Variants in NCOA1 observed in about 807,000 individuals in gnomAD.
NCOA1 encodes Hin-2 protein.
Under a neutral mutation model 150.9 loss-of-function variants are expected in NCOA1, and 35 were observed. The ratio of observed to expected loss-of-function variants is 0.23; its 90% CI spans 0.18 to 0.31. The LOEUF is 0.31. NCOA1 is among the 10% of genes least tolerant of loss of function. The probability of loss-of-function intolerance (pLI) is 1.00; values close to 1 mark genes in which losing one functional copy is unlikely to be tolerated. For missense variants in NCOA1, 1,491 were observed against 1,749.3 expected (o/e 0.85, Z 2.63); for synonymous variants, 590 against 630.0 (o/e 0.94, Z 0.95).
intron 11 of NCOA1, 38 bp downstream of exon 11, chr2:24,697,836 A>T: frequency 6.4e-7 from 1 of 1,566,328 alleles, no homozygotes; most frequent in Non-Finnish European, 8.8e-7. Context: ...ATTAACCCTT[A>T]TCTTTACTGA....
chr2:24,571,784 T>G (rs1482880139), intron 2 of NCOA1, among the ~76,000 whole-genome samples: 10 of 152,308 alleles, frequency 6.6e-5, no homozygotes, highest in Non-Finnish European at 1.5e-5. Context: ...TACAAGGTAC[T>G]TAGTAAGGGG....
At chr2:24,582,220 C>T (rs1317265115) in intron 2 of NCOA1, among the ~76,000 whole-genome samples, 1 of 152,074 alleles carries the variant, frequency 6.6e-6, no homozygotes. Flanking sequence ...AGAAACTCCA[C>T]TTTTTTTAAT....
At chr2:24,561,648 G>C (rs985678993) in intron 1 of NCOA1, among the ~76,000 whole-genome samples, 1 of 152,112 alleles carries the variant, frequency 6.6e-6, no homozygotes, top group East Asian at 1.9e-4. Flanking sequence ...AAGTAGAAAG[G>C]AGCACTTTGT....
At chr2:24,531,429 T>C (rs1005916531) in intron 1 of NCOA1, among the ~76,000 whole-genome samples, 3 of 152,114 alleles carry the variant, frequency 2.0e-5, no homozygotes, top group Non-Finnish European at 4.4e-5. Context: ...TTGCAGCAAC[T>C]TGGGTGGAGC....
intron 2 of NCOA1, among the ~76,000 whole-genome samples, chr2:24,578,875 GCC>G (rs1260153979): frequency 6.6e-6 from 1 of 152,066 alleles, no homozygotes; most frequent in Admixed American, 6.5e-5. Flanking sequence ...AACCTAATTG[GCC>G]AACAGTGAAA....
chr2:24,525,551 C>CTT (rs769430095), intron 1 of NCOA1, among the ~76,000 whole-genome samples: 37 of 139,410 alleles, frequency 2.7e-4, no homozygotes, highest in Non-Finnish European at 4.7e-4. Context: ...TTAGAAAGTT[C>CTT]TTTTTTTTTT....
At chr2:24,623,218 G>T (rs1263577397) in intron 3 of NCOA1, among the ~76,000 whole-genome samples, 1 of 152,148 alleles carries the variant, frequency 6.6e-6, no homozygotes, top group African/African-American at 2.4e-5. Flanking sequence ...AATATTCAAA[G>T]GACTAAAAGA....
At chr2:24,644,163 C>CA (rs1670357195) in intron 4 of NCOA1, 41 bp downstream of exon 4, 1 of 152,126 alleles carries the variant, frequency 6.6e-6, no homozygotes, top group Non-Finnish European at 1.5e-5. Context: ...TTTGTCTCTG[C>CA]AAAAGTATGG....
At chr2:24,550,262 A>G (rs1462464118) in intron 1 of NCOA1, among the ~76,000 whole-genome samples, 1 of 152,202 alleles carries the variant, frequency 6.6e-6, no homozygotes. Context: ...GTATCTTTTC[A>G]GCAGCACCCC....
intron 19 of NCOA1, among the ~76,000 whole-genome samples, chr2:24,750,420 T>A (rs892989710): frequency 1.3e-5 from 2 of 152,176 alleles, no homozygotes; most frequent in African/African-American, 4.8e-5. Context: ...AATAAAAAGT[T>A]CAGAAGTAAA....
intron 12 of NCOA1, 146 bp from the exon 13 acceptor site, chr2:24,706,422 C>A: frequency 4.8e-6 from 4 of 833,714 alleles, no homozygotes; most frequent in Admixed American, 3.9e-5. Context: ...AAACTTTTTT[C>A]TTAATTTAAG....
At chr2:24,682,828 C>T (rs1407682699) in intron 7 of NCOA1, 123 bp from the exon 8 acceptor site, 3 of 741,574 alleles carry the variant, frequency 4.0e-6, no homozygotes, top group Non-Finnish European at 6.2e-6. Flanking sequence ...ATCACAATTT[C>T]CTTGAGGACA....
rs1465748778 is a variant in NCOA1 at position 24,525,946 on chromosome 2, C to T, written c.-396+34344C>T. The stretch of plus-strand genomic sequence containing the variant: ...CTCTCTGAAATTGCACAGGACAAGT[C>T]TGTGTCCATTTTGGTGTATCAGGCT... On this transcript the variant is annotated intron_variant, in intron 1 of 22. Coordinates refer to ENST00000348332, the MANE Select transcript of NCOA1 (RefSeq NM_003743.5). 6.6e-5 allele frequency among the ~76,000 whole-genome samples: 10 copies of T among 152,250 alleles called. No homozygotes were observed. In the East Asian group the frequency reaches 1.9e-3, roughly 29 times the overall value.
At chr2:24,690,315 A>C (rs1029463267) in intron 8 of NCOA1, among the ~76,000 whole-genome samples, 1 of 152,092 alleles carries the variant, frequency 6.6e-6, no homozygotes, top group Non-Finnish European at 1.5e-5. Flanking sequence ...AAAAGGAAGG[A>C]GGGTCATTGG....
At position 24,509,306 on chromosome 2, in the gene NCOA1, C is replaced by G. The variant is rs191357503; in HGVS notation, c.-396+17704C>G. On this transcript the variant is annotated intron_variant, in intron 1 of 22. Coordinates refer to ENST00000348332, the MANE Select transcript of NCOA1 (RefSeq NM_003743.5). ...AAATAGTGAAACAGGGAGTTCAAGCCCTTGCTTGACTCCAGTCTTGTGCTC... is the reference window on the plus strand; with the variant it reads ...AAATAGTGAAACAGGGAGTTCAAGCGCTTGCTTGACTCCAGTCTTGTGCTC... 6.6e-5 allele frequency among the ~76,000 whole-genome samples: 10 copies of G among 152,174 alleles called. No individual in the cohort carries two copies. The East Asian group carries it at 1.7e-3, about 26-fold the overall frequency.
chr2:24,653,285 G>A (rs1558875578), intron 4 of NCOA1, among the ~76,000 whole-genome samples: 2 of 152,014 alleles, frequency 1.3e-5, no homozygotes, highest in African/African-American at 2.4e-5. Context: ...GAAATATCAC[G>A]GGTTGTTTTT....
intron 1 of NCOA1, among the ~76,000 whole-genome samples, chr2:24,506,693 A>G (rs1195313440): frequency 1.3e-5 from 2 of 152,176 alleles, no homozygotes. Flanking sequence ...TATAATTGGC[A>G]GTATGGCATA....
intron 14 of NCOA1, among the ~76,000 whole-genome samples, chr2:24,713,155 C>T (rs1673840433): frequency 6.6e-6 from 1 of 152,036 alleles, no homozygotes; most frequent in South Asian, 2.1e-4. Context: ...CACCTGAACC[C>T]AGGAGGCAGA....
chr2:24,690,501 A>G (rs1258768467), intron 8 of NCOA1, among the ~76,000 whole-genome samples: 1 of 151,634 alleles, frequency 6.6e-6, no homozygotes, highest in Non-Finnish European at 1.5e-5. Context: ...AAAAATAAAA[A>G]ATTAGCCCAG....
Sources: gnomAD v4.1 joint callset for allele counts (sites outside exome capture counted in the v4.1 genomes callset) on GRCh38, gnomAD v4.1.1 for gene constraint, MANE v1.5 for transcripts, NCBI Gene and HGNC (gene_info 2026-07-23, HGNC 2026-07-21) for gene names.